The following DPP8 variants were observed in gnomAD, a reference collection of about 807,000 sequenced individuals.
DPP8 encodes the protein dipeptidyl peptidase 8.
DPP8 carries 31 observed loss-of-function variants against 107.5 expected under a neutral mutation model. The ratio of observed to expected loss-of-function variants is 0.29; its 90% CI spans 0.22 to 0.39. The LOEUF is 0.39. Among genes scored for constraint, DPP8 ranks in the 10% least tolerant of loss-of-function variants. The probability of loss-of-function intolerance (pLI) is 1.00; values close to 1 mark genes in which losing one functional copy is unlikely to be tolerated. For synonymous variants in DPP8, 381 were observed against 356.6 expected, an observed-to-expected ratio of 1.07 and a Z score of -0.77; for missense variants, 842 against 1,076.1, an observed-to-expected ratio of 0.78 and a Z score of 3.04.
rs1355225250 is a variant in DPP8, at chr15:65,473,230, C to G, written c.1536+979G>C. On this transcript the variant is annotated intron_variant, in intron 12 of 19. Coordinates refer to ENST00000300141, the MANE Select transcript of DPP8 (RefSeq NM_130434.5). ...ATCCCAGCTACTCGGGAGGCTGAAG[C>G]AGGAGAATTGCTTGAACCCAGGAGG... 1.1e-4 allele frequency among the ~76,000 whole-genome samples: 16 copies of G among 150,498 alleles called. No homozygotes were observed. In the Admixed American group the frequency reaches 1.1e-3, roughly 10 times the overall value.
intron 11 of DPP8, 59 bp from the exon 12 acceptor site, chr15:65,474,347 A>T: frequency 7.9e-7 from 1 of 1,265,032 alleles, no homozygotes; most frequent in African/African-American, 1.5e-5. Context: ...CAAATGAAAC[A>T]ATTAAGAACA....
intron 12 of DPP8, among the ~76,000 whole-genome samples, chr15:65,468,494 C>CAA (rs10714153): frequency 1.7e-3 from 248 of 143,258 alleles, no homozygotes; most frequent in Middle Eastern, 0.011. Flanking sequence ...ACCCTTATCT[C>CAA]AAAAAAAAAA....
chr15:65,503,960 C>T (rs894477383), intron 3 of DPP8, among the ~76,000 whole-genome samples: 1 of 152,052 alleles, frequency 6.6e-6, no homozygotes, highest in African/African-American at 2.4e-5. Flanking sequence ...TGAGGTTTCA[C>T]CATGTTGGTC....
rs545969447 is a variant in DPP8 at position 65,477,976 on chromosome 15, G to C, written c.1456+904C>G. On this transcript the variant is annotated intron_variant, in intron 11 of 19. Transcript: ENST00000300141. ...GTTGAGAACTGTAACTCGGTTTTAG[G>C]AAAACCCAGGAAAAGTGTTCTATGT... Among the ~76,000 whole-genome samples the C allele has an allele frequency of 5.3e-5, 8 of 152,174 alleles. No homozygotes were observed. The East Asian group carries it at 1.5e-3, about 29-fold the overall frequency.
chr15:65,500,871 C>CTT, intron 3 of DPP8, 92 bp from the exon 4 acceptor site: 10 of 544,824 alleles, frequency 1.8e-5, no homozygotes, highest in Admixed American at 3.4e-5. Flanking sequence ...ACATTATTGA[C>CTT]TCTTTTTTTT....
intron 2 of DPP8, among the ~76,000 whole-genome samples, chr15:65,509,696 G>A (rs1252333426): frequency 6.6e-6 from 1 of 152,104 alleles, no homozygotes; most frequent in East Asian, 1.9e-4. Flanking sequence ...TTGGAATAAG[G>A]GCTCTCAAAA....
intron 10 of DPP8, 52 bp downstream of exon 10, chr15:65,480,170 T>C (rs2066786081): frequency 4.6e-6 from 7 of 1,524,688 alleles, no homozygotes; most frequent in Non-Finnish European, 5.3e-6. Context: ...TAACTTCATT[T>C]GCTTTAGCAT....
chr15:65,509,689 G>C (rs572658272), intron 2 of DPP8, among the ~76,000 whole-genome samples: 4 of 152,234 alleles, frequency 2.6e-5, no homozygotes, highest in African/African-American at 9.6e-5. Flanking sequence ...ACCACGTTTG[G>C]AATAAGGGCT....
chr15:65,500,185 G>A (rs916805919), intron 4 of DPP8, among the ~76,000 whole-genome samples: 3 of 152,146 alleles, frequency 2.0e-5, no homozygotes, highest in South Asian at 2.1e-4. Flanking sequence ...TTGGGAGGCC[G>A]AGATGGGCAG....
chr15:65,448,237 C>G (rs963444612), intron 19 of DPP8, among the ~76,000 whole-genome samples: 2 of 151,644 alleles, frequency 1.3e-5, no homozygotes, highest in African/African-American at 4.9e-5. Flanking sequence ...AAATAAAAAA[C>G]AACAAAAAAT....
At chr15:65,514,793 A>T (rs966160178) in intron 1 of DPP8, among the ~76,000 whole-genome samples, 9 of 152,114 alleles carry the variant, frequency 5.9e-5, no homozygotes, top group African/African-American at 2.2e-4. Context: ...TACAGGTGGG[A>T]GCCACCGTGC....
chr15:65,447,033 C>CAAA, intron 19 of DPP8, 27 bp from the exon 20 acceptor site: 14 of 1,178,100 alleles, frequency 1.2e-5, no homozygotes, highest in Non-Finnish European at 1.5e-5. Context: ...AATAAAGATA[C>CAAA]AAAAAAAAAA....
At chr15:65,475,208 T>C (rs2066271607) in intron 11 of DPP8, 1 of 470,132 alleles carries the variant, frequency 2.1e-6, no homozygotes, top group Non-Finnish European at 3.9e-6. Context: ...TCTGCCAGGA[T>C]ACTCCCCCTC....
intron 8 of DPP8, among the ~76,000 whole-genome samples, chr15:65,483,078 C>T (rs1567217776): frequency 6.6e-6 from 1 of 151,648 alleles, no homozygotes; most frequent in South Asian, 2.1e-4. Flanking sequence ...GCCTGGGGGA[C>T]ACAGCAAGAC....
chr15:65,462,452 G>A (rs1243180237), intron 15 of DPP8, among the ~76,000 whole-genome samples: 1 of 152,046 alleles, frequency 6.6e-6, no homozygotes, highest in African/African-American at 2.4e-5. Context: ...TTATTAAAGG[G>A]TATTACTGAA....
intron 2 of DPP8, 52 bp downstream of exon 2, chr15:65,512,243 A>C: frequency 6.5e-7 from 1 of 1,539,830 alleles, no homozygotes; most frequent in Non-Finnish European, 8.8e-7. Flanking sequence ...CCTAGACTTT[A>C]AGTTTGACTT....
intron 8 of DPP8, among the ~76,000 whole-genome samples, chr15:65,483,269 A>G (rs528756742): frequency 1.1e-4 from 16 of 152,120 alleles, no homozygotes; most frequent in Non-Finnish European, 1.6e-4. Context: ...TCACACCTGT[A>G]ATCCCAGCAC....
chr15:65,496,984 G>A (rs2068667698), intron 5 of DPP8, among the ~76,000 whole-genome samples: 1 of 152,112 alleles, frequency 6.6e-6, no homozygotes, highest in Admixed American at 6.6e-5. Context: ...CCACCTCCCA[G>A]GTTCAAGCAA....
chr15:65,466,830 C>A lies in DPP8; in HGVS notation c.1690-17G>T. Reference sequence around the variant, plus strand: ...GTCACAGTGCTAGAGAAAGGAGAAACAATTATATTTTTCGTCAGGAAGGTA... The same window carrying A: ...GTCACAGTGCTAGAGAAAGGAGAAAAAATTATATTTTTCGTCAGGAAGGTA... On this transcript the variant is annotated splice_polypyrimidine_tract_variant and intron_variant, in intron 13 of 19. Transcript: ENST00000300141. 1 of 1,602,450 alleles carries A rather than the reference C, an allele frequency of 6.2e-7. No individual in the cohort carries two copies. The highest frequency in any genetic ancestry group is 1.1e-5 in the South Asian group (1 of 89,264).
Sources: gnomAD v4.1 joint callset for allele counts (sites outside exome capture counted in the v4.1 genomes callset) on GRCh38, gnomAD v4.1.1 for gene constraint, MANE v1.5 for transcripts, NCBI Gene and HGNC (gene_info 2026-07-23, HGNC 2026-07-21) for gene names.